Variants in TBC1D5 observed in about 807,000 individuals in gnomAD.
TBC1D5 encodes TBC1 domain family member 5, also known as TBC1 domain family, member 5.
In TBC1D5, 75 loss-of-function variants were observed where a neutral mutation model predicts 100.3. The ratio of observed to expected loss-of-function variants is 0.75; its 90% confidence interval spans 0.62 to 0.91. TBC1D5 has a LOEUF of 0.91. TBC1D5 is among the 40% of genes least tolerant of loss of function. TBC1D5 has a pLI of 0.00. For synonymous variants in TBC1D5, 323 were observed against 325.6 expected (o/e 0.99, Z 0.09); for missense variants, 910 against 942.4 (o/e 0.97, Z 0.45).
intron 1 of TBC1D5, among the ~76,000 whole-genome samples, chr3:17,649,140 T>C (rs1010234676): frequency 6.6e-6 from 1 of 152,160 alleles, no homozygotes; most frequent in East Asian, 1.9e-4. Flanking sequence ...TGGAATACTA[T>C]GCAGCCATAA....
chr3:17,522,799 T>A (rs73155203), intron 2 of TBC1D5, among the ~76,000 whole-genome samples: 10,501 of 152,164 alleles, frequency 0.069, 715 homozygotes, highest in African/African-American at 0.18. Flanking sequence ...ATGTCTAAAA[T>A]CTAAGTACAT....
rs770063659 is a variant in TBC1D5, at chr3:17,237,420, G to GT, written c.1588+742dup. Among the ~76,000 whole-genome samples the GT allele has an allele frequency of 3.3e-5, 5 of 152,308 alleles. No homozygotes were observed. The East Asian group carries it at 9.6e-4, about 29-fold the overall frequency. ...AAAAATAAAAATGCAAAGGTTCAGA[G>GT]TAAGAACCTGAAGTGCTCTCTTATG... On this transcript the variant is annotated intron_variant, in intron 17 of 21. Transcript: ENST00000253692.
At chr3:17,689,590 A>G (rs1366696673) in intron 1 of TBC1D5, among the ~76,000 whole-genome samples, 2 of 152,110 alleles carry the variant, frequency 1.3e-5, no homozygotes, top group Non-Finnish European at 2.9e-5. Flanking sequence ...AAATGTAATA[A>G]AAGATAAATG....
At chr3:17,475,180 C>A (rs768957935) in intron 3 of TBC1D5, among the ~76,000 whole-genome samples, 3 of 129,782 alleles carry the variant, frequency 2.3e-5, no homozygotes, top group African/African-American at 1.2e-4. Flanking sequence ...CCTTGCCCCG[C>A]CCCACCCGTT....
chr3:17,326,770 A>G (rs2086206579), intron 13 of TBC1D5, among the ~76,000 whole-genome samples: 2 of 152,198 alleles, frequency 1.3e-5, no homozygotes, highest in South Asian at 4.1e-4. Context: ...CAGGGCAGCC[A>G]GCCTATACTT....
chr3:17,190,312 C>T (rs986592766), intron 18 of TBC1D5, among the ~76,000 whole-genome samples: 2 of 152,026 alleles, frequency 1.3e-5, no homozygotes, highest in Non-Finnish European at 2.9e-5. Flanking sequence ...GTAGAAGAGA[C>T]GTGAGAGAGG....
At chr3:17,538,194 G>T (rs930853032) in intron 2 of TBC1D5, among the ~76,000 whole-genome samples, 1 of 152,088 alleles carries the variant, frequency 6.6e-6, no homozygotes, top group African/African-American at 2.4e-5. Context: ...GTGATAGTCA[G>T]GTGGTTGTTA....
At chr3:17,167,728 G>C in intron 20 of TBC1D5, 21 bp downstream of exon 21, 1 of 1,611,450 alleles carries the variant, frequency 6.2e-7, no homozygotes, top group South Asian at 1.1e-5. Context: ...CAAAGAAATA[G>C]TGTCAGAGCA....
chr3:17,323,911 G>A (rs1051143614), intron 13 of TBC1D5, among the ~76,000 whole-genome samples: 1 of 152,194 alleles, frequency 6.6e-6, no homozygotes, highest in African/African-American at 2.4e-5. Flanking sequence ...CTCATATTAT[G>A]TGATATACAG....
intron 10 of TBC1D5, among the ~76,000 whole-genome samples, chr3:17,376,017 CA>C (rs1440951053): frequency 6.6e-6 from 1 of 152,056 alleles, no homozygotes; most frequent in African/African-American, 2.4e-5. Context: ...AATCCAATTA[CA>C]AAAGTTATTT....
At chr3:17,197,125 C>T (rs1389938147) in intron 18 of TBC1D5, among the ~76,000 whole-genome samples, 2 of 152,192 alleles carry the variant, frequency 1.3e-5, no homozygotes, top group African/African-American at 2.4e-5. Flanking sequence ...CCAGATAACT[C>T]TCCTCCACCA....
intron 4 of TBC1D5, among the ~76,000 whole-genome samples, chr3:17,414,037 C>T (rs2094003488): frequency 6.6e-6 from 1 of 152,134 alleles, no homozygotes; most frequent in South Asian, 2.1e-4. Context: ...TAGAAAGTTG[C>T]TTTTAGCTCT....
chr3:17,600,538 A>C (rs1576945836), intron 2 of TBC1D5, among the ~76,000 whole-genome samples: 1 of 152,324 alleles, frequency 6.6e-6, no homozygotes, highest in East Asian at 1.9e-4. Context: ...CATCGCAGTA[A>C]AATGTTTAAA....
At chr3:17,660,394 G>A (rs1259297899) in intron 1 of TBC1D5, among the ~76,000 whole-genome samples, 1 of 152,146 alleles carries the variant, frequency 6.6e-6, no homozygotes, top group Non-Finnish European at 1.5e-5. Context: ...TCAAGTACCT[G>A]AGCTAGATCC....
At chr3:17,694,919 C>A (rs1461345772) in intron 1 of TBC1D5, among the ~76,000 whole-genome samples, 8 of 152,174 alleles carry the variant, frequency 5.3e-5, no homozygotes, top group Non-Finnish European at 1.2e-4. Flanking sequence ...CCCTACAACC[C>A]AGAAGACAGT....
intron 2 of TBC1D5, among the ~76,000 whole-genome samples, chr3:17,579,661 C>CA (rs542199673): frequency 9.3e-5 from 14 of 149,784 alleles, no homozygotes; most frequent in South Asian, 4.2e-4. Flanking sequence ...ACAATTTGAC[C>CA]AAAAAAAAAG....
chr3:17,698,075 A>G (rs1268434172), intron 1 of TBC1D5, among the ~76,000 whole-genome samples: 2 of 151,796 alleles, frequency 1.3e-5, no homozygotes, highest in Admixed American at 6.6e-5. Context: ...AAAAGAGCCC[A>G]CATTGCCAAG....
intron 2 of TBC1D5, among the ~76,000 whole-genome samples, chr3:17,582,754 T>C (rs2096707357): frequency 6.8e-6 from 1 of 146,970 alleles, no homozygotes; most frequent in South Asian, 2.1e-4. Context: ...ATTTAAACTC[T>C]GATTAAAAAA....
intron 17 of TBC1D5, among the ~76,000 whole-genome samples, chr3:17,216,592 G>A (rs902203224): frequency 4.6e-5 from 7 of 152,204 alleles, no homozygotes; most frequent in Admixed American, 2.6e-4. Context: ...CCAAGGCCTA[G>A]AAGTATCCTA....
Sources: allele counts gnomAD v4.1 joint callset (sites outside exome capture counted in the v4.1 genomes callset), GRCh38; gene constraint gnomAD v4.1.1; transcripts MANE v1.5; gene names NCBI Gene and HGNC (gene_info 2026-07-23, HGNC 2026-07-21).